The following ELL variants were observed in gnomAD, a reference collection of about 807,000 sequenced individuals.
The protein encoded by ELL is elongation factor for RNA polymerase II.
A neutral mutation model predicts 64.0 loss-of-function variants in ELL; 18 were observed. That is an observed-to-expected ratio of 0.28 (90% CI 0.19 to 0.42). The LOEUF is 0.42. ELL is among the 10% of genes least tolerant of loss of function. The pLI is 1.00. For synonymous variants in ELL, 399 were observed against 376.2 expected (o/e 1.06, Z -0.70); for missense variants, 797 against 870.4 (o/e 0.92, Z 1.06).
chr19:18,464,238 A>T (rs1480328308), intron 4 of ELL, among the ~76,000 whole-genome samples: 1 of 152,110 alleles, frequency 6.6e-6, no homozygotes, highest in Non-Finnish European at 1.5e-5. Context: ...GTGTGGTGGC[A>T]CACACCTGTG....
chr19:18,450,467 G>A lies in ELL; in HGVS notation c.1465+10C>T, dbSNP rs765638418. ...GAGCCCCGGCAACGCCCTCCTGCCT[G>A]GGCACCTACCTGGGGTGTCTGCTGG... On this transcript the variant is annotated intron_variant, in intron 8 of 11. Coordinates refer to ENST00000262809, the MANE Select transcript of ELL (RefSeq NM_006532.4). The A allele has an allele frequency of 2.5e-6, 4 of 1,610,232 alleles. No individual in the cohort carries two copies. In the Admixed American group the frequency reaches 6.7e-5, roughly 27 times the overall value.
chr19:18,506,404 C>T (rs1975885772), intron 1 of ELL, among the ~76,000 whole-genome samples: 1 of 152,252 alleles, frequency 6.6e-6, no homozygotes, highest in Admixed American at 6.5e-5. Context: ...ATCCAAAGCT[C>T]CTGTGCCTCT....
intron 1 of ELL, among the ~76,000 whole-genome samples, chr19:18,493,395 T>A (rs1975574316): frequency 6.6e-6 from 1 of 152,168 alleles, no homozygotes; most frequent in African/African-American, 2.4e-5. Context: ...ATCTGGCCCC[T>A]CTGAAGCCAG....
Position 18,458,208 on chromosome 19 carries a change from A to G in ELL, c.866T>C (p.Val289Ala), listed in dbSNP as rs1974722333. 3 of 1,609,444 alleles carry G rather than the reference A, an allele frequency of 1.9e-6. No individual in the cohort carries two copies. Among genetic ancestry groups the G allele is most frequent in the Non-Finnish European group, 2.5e-6 (3 of 1,179,920 alleles). ...GGGGGATGGGAGGCGGCATTACCGG[A>G]CGAGCACCCGCTTCAGCAGCTGCTG... ...GDQQLLKRVLVRKLCQPQSTG... is the reference protein window; with the variant it reads ...GDQQLLKRVLARKLCQPQSTG... The change falls in exon 6 of 12, where the codon GTC (valine) becomes GCC (alanine). Residue 289 changes from valine to alanine, a missense_variant. Transcript: ENST00000262809.
intron 1 of ELL, among the ~76,000 whole-genome samples, chr19:18,510,540 C>T (rs1392300638): frequency 2.7e-4 from 41 of 152,160 alleles, no homozygotes; most frequent in Admixed American, 2.6e-3. Flanking sequence ...CCCAGGTGAT[C>T]CTGCTCGAGA....
intron 7 of ELL, 83 bp downstream of exon 7, chr19:18,451,469 G>A: frequency 8.3e-7 from 1 of 1,202,224 alleles, no homozygotes; most frequent in Non-Finnish European, 1.1e-6. Flanking sequence ...AAGAGCTGGT[G>A]AGGAAGGTGA....
intron 1 of ELL, among the ~76,000 whole-genome samples, chr19:18,495,018 T>A (rs1394627606): frequency 6.6e-6 from 1 of 152,082 alleles, no homozygotes; most frequent in Non-Finnish European, 1.5e-5. Flanking sequence ...TCAATCAAGG[T>A]GTGGGCTATA....
At chr19:18,475,109 G>A (rs1005640283) in intron 1 of ELL, among the ~76,000 whole-genome samples, 2 of 152,182 alleles carry the variant, frequency 1.3e-5, no homozygotes, top group African/African-American at 4.8e-5. Flanking sequence ...GGGCAACAGA[G>A]TGAGATCCTG....
intron 10 of ELL, 154 bp from the exon 11 acceptor site, chr19:18,445,422 T>C: frequency 1.3e-6 from 1 of 782,916 alleles, no homozygotes; most frequent in Non-Finnish European, 2.2e-6. Context: ...CCACAGCGGC[T>C]GTAGCTCCGG....
chr19:18,513,748 G>A (rs1217609268), intron 1 of ELL, among the ~76,000 whole-genome samples: 4 of 151,982 alleles, frequency 2.6e-5, no homozygotes, highest in Admixed American at 6.6e-5. Flanking sequence ...TGGCTAACAC[G>A]GTGAAACCCT....
In ELL at chr19:18,465,806, T is replaced by C. The variant is rs892481824; in HGVS notation, c.296A>G (p.Tyr99Cys). 1 of 1,386,804 alleles carries C rather than the reference T, an allele frequency of 7.2e-7. No homozygotes were observed. The allele number at this position is 1,386,804 out of a possible 1,614,324, so 85.9% of individuals were successfully genotyped here. The change falls in exon 3 of 12, where the codon TAT becomes TGT. Residue 99 changes from tyrosine to cysteine, a missense_variant. Physicochemically the swap from Tyr to Cys is radical, Grantham distance 194 (BLOSUM62 -2). Coordinates refer to ENST00000262809, the MANE Select transcript of ELL (RefSeq NM_006532.4). ...TGGGGCGGCGCCTCACCTGGAGACA[T>C]ACTGCTGGATGCAGTCGAAGCTGCC... Reference protein sequence around the residue: ...PQGSFDCIQQYVSSHGEVHLD... With the variant: ...PQGSFDCIQQCVSSHGEVHLD...
rs753082461 is a variant in ELL, at chr19:18,522,063, C to T, written c.-8G>A. On this transcript the variant is annotated 5_prime_UTR_variant, in exon 1 of 12. Coordinates refer to ENST00000262809, the MANE Select transcript of ELL (RefSeq NM_006532.4). Reference sequence around the variant, plus strand: ...CTCCTTCAGCGCCGCCATCTTGCGACCATCTCTCCCCCGCGCCCCCTTCCC... The same window carrying T: ...CTCCTTCAGCGCCGCCATCTTGCGATCATCTCTCCCCCGCGCCCCCTTCCC... The T allele has an allele frequency of 2.6e-5, 41 of 1,594,384 alleles. No individual in the cohort carries two copies. The South Asian group carries it at 2.8e-4, about 11-fold the overall frequency.
chr19:18,515,226 C>A (rs1375628829), intron 1 of ELL, among the ~76,000 whole-genome samples: 1 of 152,238 alleles, frequency 6.6e-6, no homozygotes, highest in Non-Finnish European at 1.5e-5. Context: ...CAGACTCAAG[C>A]TGGCTTGTCC....
intron 1 of ELL, among the ~76,000 whole-genome samples, chr19:18,491,171 C>T (rs1434510377): frequency 6.6e-6 from 1 of 151,498 alleles, no homozygotes; most frequent in Non-Finnish European, 1.5e-5. Context: ...CAGCCTTGAC[C>T]TCCCTGGCTC....
intron 1 of ELL, among the ~76,000 whole-genome samples, chr19:18,478,081 C>G (rs1057430267): frequency 6.6e-6 from 1 of 152,160 alleles, no homozygotes; most frequent in Non-Finnish European, 1.5e-5. Context: ...GGTCCCTTCA[C>G]GGTGGGACCA....
chr19:18,498,804 G>A (rs1164560488), intron 1 of ELL, among the ~76,000 whole-genome samples: 1 of 152,184 alleles, frequency 6.6e-6, no homozygotes, highest in Non-Finnish European at 1.5e-5. Context: ...ACAAAAATTA[G>A]CCAGGTGTGG....
intron 6 of ELL, among the ~76,000 whole-genome samples, chr19:18,453,712 C>A (rs1974591214): frequency 6.6e-6 from 1 of 152,210 alleles, no homozygotes; most frequent in Non-Finnish European, 1.5e-5. Context: ...AGCACAACAC[C>A]ATGCCTGGCT....
chr19:18,509,137 C>T (rs1004922424), intron 1 of ELL, among the ~76,000 whole-genome samples: 2 of 151,882 alleles, frequency 1.3e-5, no homozygotes, highest in Non-Finnish European at 2.9e-5. Context: ...TCAGAGTAGC[C>T]GTGAGCAGGA....
intron 2 of ELL, chr19:18,472,634 C>A (rs1010533735): frequency 1.5e-5 from 9 of 590,664 alleles, no homozygotes; most frequent in Non-Finnish European, 2.6e-5. Flanking sequence ...ATTGCCCAAG[C>A]AGCCTGTGAC....
Sources: allele counts gnomAD v4.1 joint callset (sites outside exome capture counted in the v4.1 genomes callset), GRCh38; gene constraint gnomAD v4.1.1; transcripts MANE v1.5; gene names NCBI Gene and HGNC (gene_info 2026-07-23, HGNC 2026-07-21).